The following CDH12 variants were observed in gnomAD, a reference collection of about 807,000 sequenced individuals.
CDH12 encodes cadherin-12.
In CDH12, 41 loss-of-function variants were observed where a neutral mutation model predicts 74.1. The ratio of observed to expected loss-of-function variants is 0.55; its 90% CI spans 0.43 to 0.72. CDH12 has a LOEUF of 0.72. Ranked by LOEUF, CDH12 falls within the 30% of genes least tolerant of loss-of-function variation. The pLI is 0.00. For synonymous variants in CDH12, 399 were observed against 355.0 expected (o/e 1.12, Z -1.39); for missense variants, 945 against 977.2 (o/e 0.97, Z 0.44).
intron 2 of CDH12, among the ~76,000 whole-genome samples, chr5:22,465,617 G>C (rs1334304054): frequency 6.6e-6 from 1 of 152,180 alleles, no homozygotes; most frequent in Non-Finnish European, 1.5e-5. Flanking sequence ...CCACACTCTA[G>C]CTTGGGCAAC....
At chr5:21,798,583 T>C (rs1373093251) in intron 10 of CDH12, among the ~76,000 whole-genome samples, 1 of 152,118 alleles carries the variant, frequency 6.6e-6, no homozygotes, top group East Asian at 1.9e-4. Context: ...CAATGTATGA[T>C]ATATGGATAG....
At chr5:22,547,339 C>CA (rs1738378697) in intron 1 of CDH12, among the ~76,000 whole-genome samples, 1 of 152,082 alleles carries the variant, frequency 6.6e-6, no homozygotes, top group Admixed American at 6.6e-5. Context: ...GTATCTCTCT[C>CA]AAAAAGCCAG....
At chr5:22,359,605 A>G (rs1043211583) in intron 3 of CDH12, among the ~76,000 whole-genome samples, 1 of 152,300 alleles carries the variant, frequency 6.6e-6, no homozygotes, top group East Asian at 1.9e-4. Context: ...AGAACTCTCC[A>G]CCCCAAATCA....
chr5:22,236,645 G>T (rs1033392473), intron 3 of CDH12, among the ~76,000 whole-genome samples: 2 of 152,154 alleles, frequency 1.3e-5, no homozygotes, highest in East Asian at 3.9e-4. Context: ...TACTTGGGAG[G>T]CTGAGGCAGG....
chr5:22,216,164 A>G (rs1751796615), intron 3 of CDH12, among the ~76,000 whole-genome samples: 1 of 152,042 alleles, frequency 6.6e-6, no homozygotes, highest in African/African-American at 2.4e-5. Context: ...AAGGATCTTA[A>G]GTGGCTATAT....
intron 8 of CDH12, among the ~76,000 whole-genome samples, chr5:21,837,783 T>C (rs931135077): frequency 1.3e-5 from 2 of 152,138 alleles, no homozygotes; most frequent in African/African-American, 2.4e-5. Context: ...ACATGTAAAA[T>C]TTCAGGGAGA....
intron 4 of CDH12, among the ~76,000 whole-genome samples, chr5:22,179,557 A>G (rs1749525339): frequency 6.6e-6 from 1 of 152,198 alleles, no homozygotes; most frequent in Non-Finnish European, 1.5e-5. Flanking sequence ...AAATGCAATA[A>G]ATTAAAAGAT....
At chr5:21,834,572 G>C (rs1749426088) in intron 8 of CDH12, among the ~76,000 whole-genome samples, 1 of 151,846 alleles carries the variant, frequency 6.6e-6, no homozygotes, top group African/African-American at 2.4e-5. Flanking sequence ...AAATAGAATT[G>C]TGAGAACTAA....
At chr5:22,804,050 C>T (rs1420056501) in intron 1 of CDH12, among the ~76,000 whole-genome samples, 1 of 151,424 alleles carries the variant, frequency 6.6e-6, no homozygotes, top group African/African-American at 2.4e-5. Context: ...GCATATTTTG[C>T]ACAATGAAGA....
intron 4 of CDH12, among the ~76,000 whole-genome samples, chr5:22,203,481 T>C (rs1408475281): frequency 6.6e-6 from 1 of 152,192 alleles, no homozygotes; most frequent in Non-Finnish European, 1.5e-5. Flanking sequence ...ACATTTTCCT[T>C]GTCCACTCAT....
chr5:22,815,530 G>T (rs1749344905), intron 1 of CDH12, among the ~76,000 whole-genome samples: 2 of 152,114 alleles, frequency 1.3e-5, no homozygotes, highest in African/African-American at 4.8e-5. Flanking sequence ...AGCACTTTGG[G>T]AGGCTGAGGG....
chr5:22,013,897 A>T (rs1436406301), intron 5 of CDH12, among the ~76,000 whole-genome samples: 1 of 152,156 alleles, frequency 6.6e-6, no homozygotes, highest in Non-Finnish European at 1.5e-5. Context: ...AAGAAAAGGG[A>T]TTCTACATCT....
At chr5:21,766,801 T>C (rs1332151296) in intron 11 of CDH12, among the ~76,000 whole-genome samples, 3 of 151,926 alleles carry the variant, frequency 2.0e-5, no homozygotes, top group African/African-American at 7.2e-5. Flanking sequence ...AATGTACAAA[T>C]ATTCAAAGCC....
chr5:22,430,502 T>C (rs1360778717), intron 2 of CDH12, among the ~76,000 whole-genome samples: 1 of 152,200 alleles, frequency 6.6e-6, no homozygotes, highest in East Asian at 1.9e-4. Flanking sequence ...GGAAAAAATT[T>C]TAAACTCTAA....
At chr5:21,976,047 G>T (rs2150123409) in intron 5 of CDH12, among the ~76,000 whole-genome samples, 1 of 152,168 alleles carries the variant, frequency 6.6e-6, no homozygotes, top group South Asian at 2.1e-4. Flanking sequence ...GAAAAATCTG[G>T]CAAATCAAGA....
At chr5:22,433,649 A>T (rs1188987024) in intron 2 of CDH12, among the ~76,000 whole-genome samples, 1 of 152,316 alleles carries the variant, frequency 6.6e-6, no homozygotes, top group Non-Finnish European at 1.5e-5. Flanking sequence ...ACAAAAAAGT[A>T]TCTGAAATAA....
intron 3 of CDH12, among the ~76,000 whole-genome samples, chr5:22,290,023 C>T (rs550451075): frequency 6.6e-6 from 1 of 152,280 alleles, no homozygotes; most frequent in South Asian, 2.1e-4. Flanking sequence ...CCCCAGGTAT[C>T]TGGAGCATCC....
At chr5:22,752,461 CAT>C (rs1296202357) in intron 1 of CDH12, among the ~76,000 whole-genome samples, 3 of 146,462 alleles carry the variant, frequency 2.0e-5, no homozygotes, top group African/African-American at 2.5e-5. Context: ...AAACTTTCCA[CAT>C]GTTTTCATTT....
At chr5:22,749,302 A>G (rs184710177) in intron 1 of CDH12, among the ~76,000 whole-genome samples, 1 of 152,354 alleles carries the variant, frequency 6.6e-6, no homozygotes, top group African/African-American at 2.4e-5. Flanking sequence ...AAAGGGACAT[A>G]TGGTCCCAAG....
Sources: allele counts gnomAD v4.1 joint callset (sites outside exome capture counted in the v4.1 genomes callset), GRCh38; gene constraint gnomAD v4.1.1; transcripts MANE v1.5; gene names NCBI Gene and HGNC (gene_info 2026-07-23, HGNC 2026-07-21).